The following SIL1 variants were observed in gnomAD, a reference collection of about 807,000 sequenced individuals.
The protein encoded by SIL1 is nucleotide exchange factor SIL1.
A neutral mutation model predicts 49.1 loss-of-function variants in SIL1; 40 were observed. That is an observed-to-expected ratio of 0.81 (90% CI 0.63 to 1.06). The LOEUF (loss-of-function observed/expected upper bound fraction) is 1.06, where lower values mean the gene tolerates loss of function less well. Among genes scored for constraint, SIL1 ranks in the 50% least tolerant of loss-of-function variants. The probability of loss-of-function intolerance (pLI) is 0.00; values close to 1 mark genes in which losing one functional copy is unlikely to be tolerated. For missense variants in SIL1, 500 were observed against 572.6 expected, an observed-to-expected ratio of 0.87 and a Z score of 1.29; for synonymous variants, 253 against 250.8, an observed-to-expected ratio of 1.01 and a Z score of -0.08.
chr5:139,124,883 A>G (rs1473891295), intron 2 of SIL1, among the ~76,000 whole-genome samples: 2 of 152,222 alleles, frequency 1.3e-5, no homozygotes, highest in African/African-American at 4.8e-5. Context: ...CTGCTCAGAA[A>G]AGCAGAGCAG....
At chr5:138,954,304 CAA>C (rs1209244110) in intron 7 of SIL1, among the ~76,000 whole-genome samples, 1 of 152,268 alleles carries the variant, frequency 6.6e-6, no homozygotes, top group African/African-American at 2.4e-5. Context: ...CACCCACAGC[CAA>C]GTCTGTGGGT....
At chr5:139,095,473 G>A (rs895926667) in intron 3 of SIL1, among the ~76,000 whole-genome samples, 6 of 152,062 alleles carry the variant, frequency 3.9e-5, no homozygotes, top group African/African-American at 1.2e-4. Context: ...TGTTGGCCAC[G>A]CTGGTCTTGA....
chr5:138,955,508 C>A (rs1055735404), intron 7 of SIL1, among the ~76,000 whole-genome samples: 2 of 152,062 alleles, frequency 1.3e-5, no homozygotes, highest in African/African-American at 2.4e-5. Flanking sequence ...GGGCAATCAG[C>A]CAAGAGTCAG....
At chr5:139,057,250 C>T (rs1385034234) in intron 3 of SIL1, among the ~76,000 whole-genome samples, 1 of 145,188 alleles carries the variant, frequency 6.9e-6, no homozygotes, top group Non-Finnish European at 1.5e-5. Context: ...GCTGACCTTC[C>T]CTCCACTATT....
At chr5:139,147,657 C>A (rs1391975055) in intron 1 of SIL1, among the ~76,000 whole-genome samples, 2 of 152,194 alleles carry the variant, frequency 1.3e-5, no homozygotes, top group Non-Finnish European at 2.9e-5. Flanking sequence ...AGTCCATGTT[C>A]AACTGTGCCC....
At chr5:139,036,565 A>T (rs2150441133) in intron 5 of SIL1, among the ~76,000 whole-genome samples, 1 of 152,350 alleles carries the variant, frequency 6.6e-6, no homozygotes, top group East Asian at 1.9e-4. Flanking sequence ...ATGGAGCTGG[A>T]GGCCATTATT....
chr5:138,950,059 C>T (rs1766732475), intron 9 of SIL1, among the ~76,000 whole-genome samples: 1 of 152,190 alleles, frequency 6.6e-6, no homozygotes, highest in South Asian at 2.1e-4. Flanking sequence ...CTCGGGGCAG[C>T]CTTGGTGAGC....
chr5:138,976,997 T>C (rs1767407377), intron 7 of SIL1, among the ~76,000 whole-genome samples: 1 of 152,258 alleles, frequency 6.6e-6, no homozygotes, highest in Non-Finnish European at 1.5e-5. Flanking sequence ...CTGGATCCAC[T>C]AGAAAGCCCA....
At position 138,946,804 on chromosome 5, in the gene SIL1, A is replaced by G. The variant is rs1766637584; in HGVS notation, c.*313T>C. 1.4e-5 allele frequency: 6 copies of G among 440,024 alleles called. No homozygotes were observed. In the South Asian group the frequency reaches 1.4e-4, roughly 10 times the overall value. The allele number at this position is 440,024 out of a possible 1,614,324, so 27.3% of individuals were successfully genotyped here. Reference sequence around the variant, plus strand: ...GCAATTAAGCGACTTCCCAAGGTACAGAGCTGCTGCTTGGTAAGAAGCAGA... The same window carrying G: ...GCAATTAAGCGACTTCCCAAGGTACGGAGCTGCTGCTTGGTAAGAAGCAGA... On this transcript the variant is annotated 3_prime_UTR_variant, in exon 10 of 10. Transcript: ENST00000394817.
intron 7 of SIL1, among the ~76,000 whole-genome samples, chr5:138,994,199 A>G (rs1767815176): frequency 6.6e-6 from 1 of 152,214 alleles, no homozygotes; most frequent in Admixed American, 6.5e-5. Flanking sequence ...AAGATTGAAA[A>G]GAAACAAAAT....
At position 138,947,035 on chromosome 5, in the gene SIL1, G is replaced by A. The variant is rs1323667494; in HGVS notation, c.*82C>T. On this transcript the variant is annotated 3_prime_UTR_variant, in exon 10 of 10. Transcript: ENST00000394817. This position sits in a 1 kb window ranked among gnomAD's most constrained non-coding sequence, Gnocchi z 4.1. The stretch of plus-strand genomic sequence containing the variant: ...ATGGCCAAGCCAGCACTGCCAAGAT[G>A]TCCTCCTGCCTGAGAAGCCCACCCA... 2.9e-6 allele frequency: 3 copies of A among 1,043,948 alleles called. No homozygotes were observed. The highest frequency in any genetic ancestry group is 4.4e-6 in the Non-Finnish European group (3 of 681,918). The allele number at this position is 1,043,948 out of a possible 1,614,324, so 64.7% of individuals were successfully genotyped here. A position where few individuals can be genotyped will look rare whatever the true frequency, so the allele number is the denominator to read the frequency against.
At chr5:139,018,884 C>T (rs1452488735) in intron 7 of SIL1, among the ~76,000 whole-genome samples, 4 of 151,936 alleles carry the variant, frequency 2.6e-5, no homozygotes, top group Admixed American at 1.3e-4. Context: ...TCCCTGTTAA[C>T]GTAAGAAAAA....
intron 3 of SIL1, among the ~76,000 whole-genome samples, chr5:139,104,849 TG>T (rs1265899344): frequency 7.9e-5 from 12 of 152,190 alleles, no homozygotes; most frequent in African/African-American, 2.9e-4. Flanking sequence ...CCTCAGGACT[TG>T]AACTCTTCCT....
intron 1 of SIL1, among the ~76,000 whole-genome samples, chr5:139,182,351 G>A (rs1454923571): frequency 1.3e-5 from 2 of 152,216 alleles, no homozygotes; most frequent in Non-Finnish European, 2.9e-5. Flanking sequence ...TTGAAGAGGT[G>A]TTACTCAAGG....
At chr5:139,096,232 G>A (rs760785613) in intron 3 of SIL1, among the ~76,000 whole-genome samples, 2 of 152,048 alleles carry the variant, frequency 1.3e-5, no homozygotes, top group Non-Finnish European at 2.9e-5. Context: ...CCCATGGAGG[G>A]AGCATTTAAA....
chr5:138,996,111 TAC>T (rs1455825398), intron 7 of SIL1, among the ~76,000 whole-genome samples: 1 of 152,232 alleles, frequency 6.6e-6, no homozygotes, highest in African/African-American at 2.4e-5. Flanking sequence ...GGAAACTTCA[TAC>T]AGTTTTCCAA....
rs530603643 is a variant in SIL1, at chr5:139,166,404, G to A, written c.-11+31865C>T. Reference sequence around the variant, plus strand: ...GGGCCAGGCATAGTGGCTCATGCCTGCAATCCCAGAGCTTTAGAAGGTCAA... The same window carrying A: ...GGGCCAGGCATAGTGGCTCATGCCTACAATCCCAGAGCTTTAGAAGGTCAA... On this transcript the variant is annotated intron_variant, in intron 1 of 9. Coordinates refer to ENST00000394817, the MANE Select transcript of SIL1 (RefSeq NM_022464.5). Among the ~76,000 whole-genome samples the A allele has an allele frequency of 7.2e-5, 11 of 152,294 alleles. No individual in the cohort carries two copies. In the East Asian group the frequency reaches 1.9e-3, roughly 27 times the overall value.
At chr5:139,000,847 A>G (rs1048177439) in intron 7 of SIL1, among the ~76,000 whole-genome samples, 1 of 152,062 alleles carries the variant, frequency 6.6e-6, no homozygotes, top group Non-Finnish European at 1.5e-5. Flanking sequence ...CAGTATCCAG[A>G]CTATATATAA....
chr5:139,092,537 TCTATAGCCCCAAGC>T (rs1407153233), intron 3 of SIL1, among the ~76,000 whole-genome samples: 4 of 152,078 alleles, frequency 2.6e-5, no homozygotes, highest in Non-Finnish European at 4.4e-5. Flanking sequence ...CCAAAAGAAA[TCTATAGCCCCAAGC>T]CCAGCCCAAT....
Sources: gnomAD v4.1 joint callset for allele counts (sites outside exome capture counted in the v4.1 genomes callset) on GRCh38, gnomAD v4.1.1 for gene constraint, Gnocchi (gnomAD v3.1) non-coding constraint, MANE v1.5 for transcripts, NCBI Gene and HGNC (gene_info 2026-07-23, HGNC 2026-07-21) for gene names.